KCNMA1: variants seen among roughly 807,000 people sequenced by gnomAD.
KCNMA1 encodes Calcium-activated potassium channel subunit alpha-1.
In KCNMA1, 29 loss-of-function variants were observed where a neutral mutation model predicts 140.0. The observed-to-expected ratio is 0.21, with a 90% confidence interval of 0.15 to 0.28. The LOEUF is 0.28. KCNMA1 is among the 10% of genes least tolerant of loss of function. KCNMA1 has a pLI of 1.00. For missense variants in KCNMA1, 880 were observed against 1,602.2 expected (o/e 0.55, Z 7.70); for synonymous variants, 612 against 611.9 (o/e 1.00, Z 0.00).
rs745951225 is a variant in KCNMA1 at position 77,251,157 on chromosome 10, T to C, written c.602+38A>G. On this transcript the variant is annotated intron_variant, in intron 3 of 27. Coordinates refer to ENST00000286628, the MANE Select transcript of KCNMA1 (RefSeq NM_001161352.2). ...ATCAATGTAAAGGCTCATGATTGTT[T>C]ATGAAACGAGGGCAAGAAAGTATAT... The C allele has an allele frequency of 4.0e-6, 6 of 1,485,218 alleles. No homozygotes were observed. In the Admixed American group the frequency reaches 1.0e-4, roughly 25 times the overall value. The allele number at this position is 1,485,218 out of a possible 1,614,324, so 92.0% of individuals were successfully genotyped here.
intron 19 of KCNMA1, chr10:76,977,758 C>G (rs961681019): frequency 1.6e-6 from 1 of 643,914 alleles, no homozygotes; most frequent in East Asian, 2.7e-5. Context: ...ACCACCCAAC[C>G]TGCTATTAGC....
At chr10:77,105,551 T>C (rs74140287) in intron 9 of KCNMA1, among the ~76,000 whole-genome samples, 1,642 of 152,280 alleles carry the variant, frequency 0.011, 18 homozygotes, top group African/African-American at 0.037. Context: ...AACAAATCCC[T>C]TAACTATGTA....
intron 14 of KCNMA1, among the ~76,000 whole-genome samples, chr10:77,041,151 CTTTTTTTTTTTTTTTTTTT>C (rs1162318311): frequency 0.37 from 588 of 1,584 alleles, 211 homozygotes; most frequent in African/African-American, 0.62. Context: ...CTGGCTAATT[CTTTTTTTTTTTTTTTTTTT>C]TTTTTTTTTT....
chr10:77,518,469 A>T lies in KCNMA1; in HGVS notation c.379-114446T>A, dbSNP rs75068359. On this transcript the variant is annotated intron_variant, in intron 1 of 27. Transcript: ENST00000286628. ...ATTTAAAAATACTCTCAGGCAAGTG[A>T]TACATGAAGTCATGAACACTCTAGT... Among the ~76,000 whole-genome samples the T allele has an allele frequency of 9.7e-4, 148 of 152,314 alleles. 3 individuals are homozygous for T. In the East Asian group the frequency reaches 0.028, roughly 28 times the overall value.
intron 2 of KCNMA1, among the ~76,000 whole-genome samples, chr10:77,329,178 C>T (rs1051138513): frequency 2.5e-4 from 38 of 152,136 alleles, no homozygotes; most frequent in Admixed American, 2.2e-3. Flanking sequence ...GCTTCCCCAC[C>T]TCTTATACCC....
intron 13 of KCNMA1, among the ~76,000 whole-genome samples, chr10:77,074,876 C>A (rs2096338914): frequency 6.6e-6 from 1 of 152,172 alleles, no homozygotes; most frequent in Non-Finnish European, 1.5e-5. Context: ...CTGCACATCT[C>A]AGCAAACACA....
chr10:77,630,374 G>A (rs1417903637), intron 1 of KCNMA1, among the ~76,000 whole-genome samples: 1 of 152,164 alleles, frequency 6.6e-6, no homozygotes, highest in African/African-American at 2.4e-5. Flanking sequence ...CCCACACATT[G>A]GTGGGTAACA....
At chr10:77,295,511 G>A (rs1332590909) in intron 2 of KCNMA1, among the ~76,000 whole-genome samples, 7 of 152,084 alleles carry the variant, frequency 4.6e-5, no homozygotes, top group Non-Finnish European at 1.0e-4. Flanking sequence ...GCCGGGCGCG[G>A]TGGCTCACGC....
intron 19 of KCNMA1, among the ~76,000 whole-genome samples, chr10:76,972,175 G>A (rs1390732018): frequency 6.6e-6 from 1 of 152,200 alleles, no homozygotes; most frequent in Non-Finnish European, 1.5e-5. Context: ...GTGTTTGTGT[G>A]AGTGCATGTG....
intron 2 of KCNMA1, among the ~76,000 whole-genome samples, chr10:77,314,678 C>T (rs2080263920): frequency 6.6e-6 from 1 of 152,074 alleles, no homozygotes; most frequent in Admixed American, 6.6e-5. Flanking sequence ...TGGTCTGAAG[C>T]TTGTCTGGGT....
intron 14 of KCNMA1, chr10:77,071,322 A>G (rs971823956): frequency 6.6e-6 from 1 of 152,180 alleles, no homozygotes; most frequent in Admixed American, 6.5e-5. Flanking sequence ...AAGGGGCCCC[A>G]TCTGTGGTGG....
chr10:77,522,871 G>T (rs2053965812), intron 1 of KCNMA1, among the ~76,000 whole-genome samples: 1 of 152,136 alleles, frequency 6.6e-6, no homozygotes, highest in Admixed American at 6.6e-5. Flanking sequence ...TTCCATTTGA[G>T]TAAGCTTCAT....
chr10:77,189,055 G>A (rs1305892718), intron 3 of KCNMA1, among the ~76,000 whole-genome samples: 1 of 152,108 alleles, frequency 6.6e-6, no homozygotes, highest in Non-Finnish European at 1.5e-5. Flanking sequence ...GCATGCAGTT[G>A]GAGGGCTTGT....
intron 5 of KCNMA1, among the ~76,000 whole-genome samples, chr10:77,127,604 G>A (rs2097769022): frequency 6.6e-6 from 1 of 151,926 alleles, no homozygotes; most frequent in Non-Finnish European, 1.5e-5. Flanking sequence ...AAGGCATGAA[G>A]GCAAGAAGGG....
chr10:77,149,676 A>G (rs530875065), intron 5 of KCNMA1, among the ~76,000 whole-genome samples: 2 of 152,308 alleles, frequency 1.3e-5, no homozygotes, highest in South Asian at 2.1e-4. Context: ...TCCGTCTCCA[A>G]TCTCAGCCTG....
intron 14 of KCNMA1, among the ~76,000 whole-genome samples, chr10:77,062,390 T>C (rs976380440): frequency 6.6e-6 from 1 of 152,234 alleles, no homozygotes; most frequent in African/African-American, 2.4e-5. Flanking sequence ...TTATTAGCAC[T>C]ACCTAACCCG....
In KCNMA1 at chr10:76,887,409, A is replaced by G. The variant is rs780325450; in HGVS notation, c.3568T>C (p.Ser1190Pro). Residue 1190 changes from serine (S) to proline (P), a missense_variant, in exon 28 of 28, where the codon TCC becomes CCC. Coordinates refer to ENST00000286628, the MANE Select transcript of KCNMA1 (RefSeq NM_001161352.2). ...HNAGQSRASLSHSSHSSQSSS... is the reference protein window; with the variant it reads ...HNAGQSRASLPHSSHSSQSSS... ...GACTGCGACGAGTGGGAGGAATGGGACAGGCTGGCCCGGGACTGGCCGGCA... is the reference window on the plus strand; with the variant it reads ...GACTGCGACGAGTGGGAGGAATGGGGCAGGCTGGCCCGGGACTGGCCGGCA... The G allele has an allele frequency of 1.9e-6, 3 of 1,614,128 alleles. No homozygotes were observed. Among genetic ancestry groups the G allele is most frequent in the Non-Finnish European group, 2.5e-6 (3 of 1,180,028 alleles).
chr10:76,947,877 C>A (rs1454932900), intron 22 of KCNMA1, among the ~76,000 whole-genome samples: 1 of 152,188 alleles, frequency 6.6e-6, no homozygotes, highest in Non-Finnish European at 1.5e-5. Context: ...TTACTTGGCT[C>A]TTTTTCCCCC....
intron 21 of KCNMA1, among the ~76,000 whole-genome samples, chr10:76,950,318 C>G (rs2065786366): frequency 6.6e-6 from 1 of 152,180 alleles, no homozygotes; most frequent in Admixed American, 6.5e-5. Flanking sequence ...CCCAAATAAT[C>G]ATTACAAGGG....
Sources: gnomAD v4.1 joint callset for allele counts (sites outside exome capture counted in the v4.1 genomes callset) on GRCh38, gnomAD v4.1.1 for gene constraint, MANE v1.5 for transcripts, NCBI Gene and HGNC (gene_info 2026-07-23, HGNC 2026-07-21) for gene names.